ANK3: variants seen among roughly 807,000 people sequenced by gnomAD.
The protein encoded by ANK3 is ankyrin 3.
Under a neutral mutation model 370.9 loss-of-function variants are expected in ANK3, and 57 were observed. The observed-to-expected ratio is 0.15, with a 90% CI of 0.12 to 0.19. The LOEUF is 0.19. Among genes scored for constraint, ANK3 ranks in the 10% least tolerant of loss-of-function variants. The pLI is 1.00. For missense variants in ANK3, 4,439 were observed against 5,302.1 expected (o/e 0.84, Z 5.06); for synonymous variants, 1,929 against 1,946.3 (o/e 0.99, Z 0.23).
chr10:60,708,199 C>T (rs2079647426), intron 1 of ANK3, among the ~76,000 whole-genome samples: 1 of 152,146 alleles, frequency 6.6e-6, no homozygotes, highest in African/African-American at 2.4e-5. Flanking sequence ...TCCAGTAATC[C>T]ACCAGAGTTT....
intron 41 of ANK3, among the ~76,000 whole-genome samples, chr10:60,056,790 G>A (rs1376985496): frequency 1.3e-5 from 2 of 152,194 alleles, no homozygotes; most frequent in African/African-American, 4.8e-5. Flanking sequence ...TTGGGAGGCT[G>A]AGGCAGAAGG....
intron 1 of ANK3, among the ~76,000 whole-genome samples, chr10:60,304,806 A>T (rs1030948926): frequency 1.3e-5 from 2 of 152,124 alleles, no homozygotes; most frequent in Admixed American, 1.3e-4. Flanking sequence ...TTCATTATTC[A>T]CTGCCCCTCT....
chr10:60,188,988 A>G (rs1004856628), intron 16 of ANK3, among the ~76,000 whole-genome samples: 4 of 152,228 alleles, frequency 2.6e-5, no homozygotes, highest in African/African-American at 9.6e-5. Flanking sequence ...GTCTAACACT[A>G]ACCTAACTAC....
intron 1 of ANK3, among the ~76,000 whole-genome samples, chr10:60,321,993 C>G (rs183248050): frequency 6.6e-6 from 1 of 152,168 alleles, no homozygotes; most frequent in Admixed American, 6.5e-5. Flanking sequence ...TTTGGACCTC[C>G]CTACTTTTGT....
chr10:60,452,343 T>C (rs1391467878), intron 2 of ANK3, among the ~76,000 whole-genome samples: 1 of 152,234 alleles, frequency 6.6e-6, no homozygotes, highest in East Asian at 1.9e-4. Flanking sequence ...GCTTCTATTG[T>C]GGTTTCTTCA....
intron 1 of ANK3, among the ~76,000 whole-genome samples, chr10:60,628,511 G>C (rs938331512): frequency 2.6e-5 from 4 of 152,122 alleles, no homozygotes; most frequent in Admixed American, 2.6e-4. Context: ...CTATGATTCT[G>C]TGCTTAGCCT....
chr10:60,373,712 G>A (rs1486489140), intron 1 of ANK3, among the ~76,000 whole-genome samples: 1 of 152,176 alleles, frequency 6.6e-6, no homozygotes, highest in Non-Finnish European at 1.5e-5. Context: ...AGGTGGCATG[G>A]AGGATCTCTC....
chr10:60,058,264 C>T (rs1299828947), intron 41 of ANK3, among the ~76,000 whole-genome samples: 2 of 152,122 alleles, frequency 1.3e-5, no homozygotes, highest in Non-Finnish European at 2.9e-5. Flanking sequence ...AACTACATTC[C>T]TAATGGTGGT....
intron 8 of ANK3, among the ~76,000 whole-genome samples, chr10:60,227,298 T>A (rs2097178403): frequency 6.6e-6 from 1 of 152,050 alleles, no homozygotes; most frequent in South Asian, 2.1e-4. Flanking sequence ...AGAAGTCAGA[T>A]AACATTCTTA....
At chr10:60,666,287 T>C (rs988882041) in intron 1 of ANK3, among the ~76,000 whole-genome samples, 1 of 152,048 alleles carries the variant, frequency 6.6e-6, no homozygotes, top group Admixed American at 6.6e-5. Flanking sequence ...TAAAGTGAAA[T>C]AAGCCAGTCA....
intron 7 of ANK3, among the ~76,000 whole-genome samples, chr10:60,237,099 A>C (rs1171887571): frequency 6.6e-6 from 1 of 152,252 alleles, no homozygotes; most frequent in African/African-American, 2.4e-5. Flanking sequence ...AGAGGAAGTG[A>C]AACTATAGGC....
chr10:60,702,433 A>T (rs2079557355), intron 1 of ANK3, among the ~76,000 whole-genome samples: 1 of 152,168 alleles, frequency 6.6e-6, no homozygotes, highest in African/African-American at 2.4e-5. Context: ...TGTTGGTGGT[A>T]GTGCTGGTAT....
intron 17 of ANK3, among the ~76,000 whole-genome samples, chr10:60,182,099 A>G (rs1235272820): frequency 6.6e-6 from 1 of 151,834 alleles, no homozygotes; most frequent in African/African-American, 2.4e-5. Context: ...TTTTTACAAA[A>G]TTATGCAAGA....
At chr10:60,286,099 A>T (rs1593069890) in intron 1 of ANK3, among the ~76,000 whole-genome samples, 1 of 152,174 alleles carries the variant, frequency 6.6e-6, no homozygotes, top group Non-Finnish European at 1.5e-5. Context: ...TCAAAGAAAA[A>T]TCATAACATA....
chr10:60,714,220 C>A (rs749461146), intron 1 of ANK3, among the ~76,000 whole-genome samples: 4 of 152,120 alleles, frequency 2.6e-5, no homozygotes, highest in Admixed American at 1.3e-4. Context: ...TCTGAATAAT[C>A]CTTATCTATT....
At chr10:60,188,955 T>C (rs1483884164) in intron 16 of ANK3, among the ~76,000 whole-genome samples, 2 of 152,126 alleles carry the variant, frequency 1.3e-5, no homozygotes, top group Non-Finnish European at 2.9e-5. Flanking sequence ...AGCACTAAAA[T>C]AGGAAATATA....
intron 17 of ANK3, among the ~76,000 whole-genome samples, chr10:60,181,950 C>T (rs2096203017): frequency 6.6e-6 from 1 of 152,094 alleles, no homozygotes; most frequent in South Asian, 2.1e-4. Context: ...TAGCAATTAT[C>T]AAAGTTTTCC....
intron 1 of ANK3, among the ~76,000 whole-genome samples, chr10:60,704,505 C>T (rs1161819886): frequency 6.6e-6 from 1 of 151,854 alleles, no homozygotes; most frequent in Non-Finnish European, 1.5e-5. Flanking sequence ...AGTAAAAGGC[C>T]TTTATATGAA....
intron 30 of ANK3, 185 bp downstream of exon 30, chr10:60,086,492 T>TCGGTGG: frequency 2.0e-6 from 1 of 506,388 alleles, no homozygotes; most frequent in South Asian, 4.2e-5. Context: ...GACCAGGATC[T>TCGGTGG]TCCCAAGAAA....
Sources: allele counts gnomAD v4.1 joint callset (sites outside exome capture counted in the v4.1 genomes callset), GRCh38; gene constraint gnomAD v4.1.1; transcripts MANE v1.5; gene names NCBI Gene and HGNC (gene_info 2026-07-23, HGNC 2026-07-21).